Variants in EPHX4 observed in about 807,000 individuals in gnomAD.
The protein encoded by EPHX4 is abhydrolase domain containing 7.
A neutral mutation model predicts 44.9 loss-of-function variants in EPHX4; 31 were observed. That is an observed-to-expected ratio of 0.69 (90% CI 0.52 to 0.93). The LOEUF (loss-of-function observed/expected upper bound fraction) is 0.93. Among genes scored for constraint, EPHX4 ranks in the 40% least tolerant of loss-of-function variants. The pLI, the probability that EPHX4 is intolerant of heterozygous loss-of-function variation, is 0.00. For missense variants in EPHX4, 373 were observed against 438.1 expected, an observed-to-expected ratio of 0.85 and a Z score of 1.33; for synonymous variants, 151 against 159.7, an observed-to-expected ratio of 0.95 and a Z score of 0.41.
intron 4 of EPHX4, among the ~76,000 whole-genome samples, chr1:92,048,215 T>TG (rs1211925584): frequency 2.0e-5 from 3 of 152,178 alleles, no homozygotes; most frequent in African/African-American, 7.2e-5. Context: ...TATCACTTGG[T>TG]ATAGTGAGGT....
chr1:92,058,479 A>G (rs1647421000), intron 6 of EPHX4, among the ~76,000 whole-genome samples: 1 of 152,038 alleles, frequency 6.6e-6, no homozygotes, highest in Non-Finnish European at 1.5e-5. Context: ...TGATTACCAC[A>G]TTATCAGATT....
At chr1:92,052,710 A>G in intron 6 of EPHX4, 52 bp downstream of exon 6, 4 of 1,451,512 alleles carry the variant, frequency 2.8e-6, no homozygotes, top group Non-Finnish European at 3.7e-6. Flanking sequence ...CTGATCCTAC[A>G]GGGACAATAT....
At chr1:92,060,425 C>T (rs992731396) in intron 6 of EPHX4, among the ~76,000 whole-genome samples, 5 of 148,130 alleles carry the variant, frequency 3.4e-5, no homozygotes, top group Admixed American at 2.7e-4. Context: ...CTGGGTGATA[C>T]GTCAAGACCC....
At chr1:92,034,799 C>T (rs1028258535) in intron 2 of EPHX4, among the ~76,000 whole-genome samples, 1 of 151,932 alleles carries the variant, frequency 6.6e-6, no homozygotes, top group Non-Finnish European at 1.5e-5. Flanking sequence ...GCACCACACC[C>T]AGCTAATTTT....
intron 1 of EPHX4, among the ~76,000 whole-genome samples, chr1:92,032,276 T>A (rs1024641498): frequency 3.3e-5 from 5 of 152,228 alleles, no homozygotes; most frequent in Non-Finnish European, 7.3e-5. Context: ...TCTGTCAATT[T>A]ACCCTATTAA....
chr1:92,052,698 G>C, intron 6 of EPHX4, 40 bp downstream of exon 6: 1 of 1,517,540 alleles, frequency 6.6e-7, no homozygotes, highest in South Asian at 1.3e-5. Flanking sequence ...AAATATTTCA[G>C]TCTGATCCTA....
intron 3 of EPHX4, among the ~76,000 whole-genome samples, chr1:92,044,609 G>A (rs929969480): frequency 3.5e-4 from 53 of 152,188 alleles, no homozygotes; most frequent in African/African-American, 1.3e-3. Flanking sequence ...AAATGAAACT[G>A]GTGCAAAATT....
chr1:92,050,204 A>T, intron 4 of EPHX4, 113 bp from the exon 5 acceptor site: 1 of 664,862 alleles, frequency 1.5e-6, no homozygotes, highest in East Asian at 2.9e-5. Flanking sequence ...AGCCTTACTT[A>T]TGGATTCTTT....
chr1:92,063,454 A>T lies in EPHX4; in HGVS notation c.*168A>T, dbSNP rs890193584. 1.9e-6 allele frequency: 1 copy of T among 532,052 alleles called. No individual in the cohort carries two copies. The highest frequency in any genetic ancestry group is 3.3e-6 in the Non-Finnish European group (1 of 306,682). The allele number at this position is 532,052 out of a possible 1,614,324, so 33.0% of individuals were successfully genotyped here. The stretch of plus-strand genomic sequence containing the variant: ...GAAAAAAATCTGAGATCATGTGAAC[A>T]TATAATACAATGTTGATTTTCTTCT... On this transcript the variant is annotated 3_prime_UTR_variant, in exon 7 of 7. Transcript: ENST00000370383.
chr1:92,054,067 A>C (rs1413378718), intron 6 of EPHX4, among the ~76,000 whole-genome samples: 3 of 152,222 alleles, frequency 2.0e-5, no homozygotes, highest in Admixed American at 6.5e-5. Flanking sequence ...CATTTCTCTT[A>C]AGAATTAGGA....
At position 92,030,169 on chromosome 1, in the gene EPHX4, C is replaced by T; in HGVS notation, c.90C>T (p.Leu30=). 6.2e-7 allele frequency: 1 copy of T among 1,612,634 alleles called. No individual in the cohort carries two copies. Among genetic ancestry groups the T allele is most frequent in the Non-Finnish European group, 8.5e-7 (1 of 1,179,368 alleles). Residue 30 remains leucine, a synonymous_variant, in exon 1 of 7, where the codon CTC becomes CTT. Coordinates refer to ENST00000370383, the MANE Select transcript of EPHX4 (RefSeq NM_173567.5). ...CCCTGGTCTACTGCTACTGCGGGCT[C>T]TGCGCCTCCATCCACCTGCTCAAAC... ...FWSLVYCYCG[L]CASIHLLKLL...
intron 3 of EPHX4, 51 bp downstream of exon 3, chr1:92,043,031 A>C: frequency 7.1e-7 from 1 of 1,408,094 alleles, no homozygotes; most frequent in Non-Finnish European, 9.7e-7. Flanking sequence ...AACATTCAAC[A>C]AATTGTGAAT....
intron 6 of EPHX4, among the ~76,000 whole-genome samples, chr1:92,061,165 G>A (rs970745644): frequency 5.3e-5 from 8 of 152,086 alleles, no homozygotes; most frequent in Admixed American, 2.6e-4. Flanking sequence ...GTGAGCCACC[G>A]TGCCCGGCTC....
At chr1:92,035,185 T>C (rs550189899) in intron 2 of EPHX4, among the ~76,000 whole-genome samples, 29 of 152,348 alleles carry the variant, frequency 1.9e-4, no homozygotes, top group African/African-American at 7.0e-4. Flanking sequence ...TATGCTTTGA[T>C]CTGTTCTTTC....
At chr1:92,044,790 T>C (rs1021514735) in intron 3 of EPHX4, among the ~76,000 whole-genome samples, 3 of 152,166 alleles carry the variant, frequency 2.0e-5, no homozygotes, top group African/African-American at 7.2e-5. Flanking sequence ...TTTATAATTT[T>C]ACTATAACTA....
At chr1:92,063,006 A>G in intron 6 of EPHX4, 49 bp from the exon 7 acceptor site, 2 of 1,526,086 alleles carry the variant, frequency 1.3e-6, no homozygotes, top group African/African-American at 1.4e-5. Context: ...GGAAAATGTC[A>G]TTTTAACTTT....
chr1:92,050,344 T>G lies in EPHX4; in HGVS notation c.632T>G (p.Leu211Arg). 2 of 1,606,156 alleles carry G rather than the reference T, an allele frequency of 1.2e-6. No individual in the cohort carries two copies. Among genetic ancestry groups the G allele is most frequent in the African/African-American group, 2.7e-5 (2 of 74,798 alleles). ...TEYILRHPAQ[L>R]LKSSYYYFFQ... ...TATATTTTACGACACCCTGCTCAGC[T>G]GTTGAAATCCAGTTATTATTACTTC... Residue 211 changes from leucine (L) to arginine (R), a missense_variant, in exon 5 of 7, where the codon CTG (leucine) becomes CGG (arginine). Coordinates refer to ENST00000370383, the MANE Select transcript of EPHX4 (RefSeq NM_173567.5).
intron 2 of EPHX4, among the ~76,000 whole-genome samples, chr1:92,041,255 A>G (rs968132329): frequency 2.0e-5 from 3 of 152,180 alleles, no homozygotes; most frequent in Non-Finnish European, 4.4e-5. Flanking sequence ...TGTTTTTAGT[A>G]TCACTCTTGC....
intron 4 of EPHX4, among the ~76,000 whole-genome samples, chr1:92,047,890 T>C (rs956503975): frequency 1.3e-5 from 2 of 152,212 alleles, no homozygotes; most frequent in Non-Finnish European, 2.9e-5. Context: ...TGGACGATAC[T>C]TTGAGAACCT....
Sources: gnomAD v4.1 joint callset for allele counts (sites outside exome capture counted in the v4.1 genomes callset) on GRCh38, gnomAD v4.1.1 for gene constraint, MANE v1.5 for transcripts, NCBI Gene and HGNC (gene_info 2026-07-23, HGNC 2026-07-21) for gene names.